ATG13: variants seen among roughly 807,000 people sequenced by gnomAD.
The protein encoded by ATG13 is autophagy-related protein 13.
Under a neutral mutation model 65.5 loss-of-function variants are expected in ATG13, and 23 were observed. That is an observed-to-expected ratio of 0.35 (90% CI 0.25 to 0.50). The LOEUF is 0.50. Ranked by LOEUF, ATG13 falls within the 20% of genes least tolerant of loss-of-function variation. ATG13 has a pLI of 0.98. For missense variants in ATG13, 566 were observed against 677.0 expected, an observed-to-expected ratio of 0.84 and a Z score of 1.82; for synonymous variants, 252 against 245.2, an observed-to-expected ratio of 1.03 and a Z score of -0.26.
chr11:46,618,497 C>T (rs2046095086), intron 1 of ATG13: 1 of 152,190 alleles, frequency 6.6e-6, no homozygotes, highest in African/African-American at 2.4e-5. Context: ...TTTCTTCGTT[C>T]TCTGGCCACC....
At position 46,672,295 on chromosome 11, in the gene ATG13, T is replaced by C. The variant is rs767331059; in HGVS notation, c.1616T>C (p.Val539Ala). Residue 539 changes from valine to alanine, a missense_variant, in exon 19 of 19, where the codon GTC becomes GCC. Val to Ala is a moderately conservative substitution (Grantham distance 64). Coordinates refer to ENST00000683050, the MANE Select transcript of ATG13 (RefSeq NM_001346311.2). Reference sequence around the variant, plus strand: ...AAGCTGGCTGTGCATGAGAAGAATGTCCGCGAGTTTGATGCCTTTGTGGAA... The same window carrying C: ...AAGCTGGCTGTGCATGAGAAGAATGCCCGCGAGTTTGATGCCTTTGTGGAA... ...PEKLAVHEKN[V>A]REFDAFVETL... 12 of 1,614,226 alleles carry C rather than the reference T, an allele frequency of 7.4e-6. No individual in the cohort carries two copies. The South Asian group carries it at 1.2e-4, about 16-fold the overall frequency.
intron 18 of ATG13, among the ~76,000 whole-genome samples, chr11:46,670,147 G>GGAGAAAAT (rs2063375530): frequency 2.0e-5 from 3 of 152,170 alleles, no homozygotes; most frequent in Admixed American, 1.3e-4. Context: ...TATGGTAGCT[G>GGAGAAAAT]CCCTGGATTT....
chr11:46,628,177 C>CA (rs2050379030), intron 1 of ATG13, among the ~76,000 whole-genome samples: 1 of 151,388 alleles, frequency 6.6e-6, no homozygotes, highest in African/African-American at 2.4e-5. Flanking sequence ...CCGAGGTGGG[C>CA]AGATCACCTG....
chr11:46,657,749 C>A, intron 10 of ATG13, 127 bp downstream of exon 10: 1 of 777,228 alleles, frequency 1.3e-6, no homozygotes, highest in Non-Finnish European at 2.0e-6. Context: ...ATGGAGACCC[C>A]ACGTGGAGAG....
intron 1 of ATG13, among the ~76,000 whole-genome samples, chr11:46,626,439 A>G (rs1389671084): frequency 2.0e-5 from 3 of 152,024 alleles, no homozygotes; most frequent in Admixed American, 6.6e-5. Flanking sequence ...GAGTAGAGAC[A>G]GGGTTTCACC....
At chr11:46,639,702 G>A (rs536362623) in intron 2 of ATG13, among the ~76,000 whole-genome samples, 7 of 152,140 alleles carry the variant, frequency 4.6e-5, no homozygotes, top group Admixed American at 4.6e-4. Context: ...GGGCTGAAGT[G>A]TGGAGATCAT....
At chr11:46,624,755 G>A (rs1218306809) in intron 1 of ATG13, among the ~76,000 whole-genome samples, 1 of 152,136 alleles carries the variant, frequency 6.6e-6, no homozygotes, top group Non-Finnish European at 1.5e-5. Flanking sequence ...CATTGGCTGG[G>A]CATGATTGCT....
intron 5 of ATG13, chr11:46,648,878 G>C (rs1267772214): frequency 1.1e-5 from 3 of 284,828 alleles, no homozygotes; most frequent in Middle Eastern, 1.1e-3. Flanking sequence ...GTGGGATACT[G>C]TGGAACCATT....
intron 1 of ATG13, among the ~76,000 whole-genome samples, chr11:46,626,247 A>C (rs1021105314): frequency 2.7e-5 from 4 of 146,730 alleles, no homozygotes; most frequent in Non-Finnish European, 6.0e-5. Context: ...GAGCCACCGC[A>C]CTTGGCCTCT....
In ATG13 at chr11:46,668,790, A is replaced by C. The variant is rs1351288601; in HGVS notation, c.1330-4A>C. On this transcript the variant is annotated splice_polypyrimidine_tract_variant and splice_region_variant and intron_variant, in intron 16 of 18. Coordinates refer to ENST00000683050, the MANE Select transcript of ATG13 (RefSeq NM_001346311.2). ...AGCCCTAATCCTGCCTTGCTATGAA[A>C]CAGGTGAATCCTCCAGATTCCCCAG... 1 of 1,608,036 alleles carries C rather than the reference A, an allele frequency of 6.2e-7. No individual in the cohort carries two copies. Among genetic ancestry groups the C allele is most frequent in the Admixed American group, 1.7e-5 (1 of 60,004 alleles).
chr11:46,637,555 G>T (rs984381506), intron 2 of ATG13, among the ~76,000 whole-genome samples: 4 of 151,980 alleles, frequency 2.6e-5, no homozygotes, highest in African/African-American at 9.7e-5. Context: ...GTATTTTTTT[G>T]GTAGAGACAG....
chr11:46,623,869 T>C (rs1451239932), intron 1 of ATG13, among the ~76,000 whole-genome samples: 2 of 152,128 alleles, frequency 1.3e-5, no homozygotes, highest in African/African-American at 4.8e-5. Flanking sequence ...ACTTTCTTTC[T>C]CCTATATATT....
intron 5 of ATG13, among the ~76,000 whole-genome samples, chr11:46,648,199 G>A (rs904500757): frequency 3.3e-5 from 5 of 151,856 alleles, no homozygotes; most frequent in South Asian, 2.1e-4. Context: ...GGGTTCAAGC[G>A]ATTCTCTTGT....
chr11:46,661,495 G>A (rs1290507342), intron 11 of ATG13, among the ~76,000 whole-genome samples: 1 of 140,498 alleles, frequency 7.1e-6, no homozygotes, highest in Non-Finnish European at 1.5e-5. Context: ...TCTAGCCCGG[G>A]CAACAGAGTG....
intron 5 of ATG13, among the ~76,000 whole-genome samples, chr11:46,646,757 G>C (rs1199571517): frequency 6.6e-6 from 1 of 151,568 alleles, no homozygotes; most frequent in African/African-American, 2.4e-5. Context: ...GAGCTACTGC[G>C]CCTGGCCTGT....
intron 2 of ATG13, among the ~76,000 whole-genome samples, chr11:46,642,401 G>T (rs1297494616): frequency 6.6e-6 from 1 of 150,782 alleles, no homozygotes; most frequent in Non-Finnish European, 1.5e-5. Flanking sequence ...TGCCTTCTGG[G>T]TTCAAGCAAT....
intron 2 of ATG13, among the ~76,000 whole-genome samples, chr11:46,643,612 CTTT>C (rs763315083): frequency 3.1e-5 from 4 of 130,816 alleles, no homozygotes; most frequent in Non-Finnish European, 3.3e-5. Flanking sequence ...CCTGGGAGGG[CTTT>C]TTTTTTTTTT....
chr11:46,633,026 A>ATTTTTTTTT (rs746504456), intron 2 of ATG13, among the ~76,000 whole-genome samples: 1 of 90,710 alleles, frequency 1.1e-5, no homozygotes, highest in African/African-American at 6.4e-5. Flanking sequence ...ATATATATAT[A>ATTTTTTTTT]TTTTTTTTTT....
intron 1 of ATG13, among the ~76,000 whole-genome samples, chr11:46,628,838 A>C (rs2050631715): frequency 6.6e-6 from 1 of 152,090 alleles, no homozygotes; most frequent in Non-Finnish European, 1.5e-5. Flanking sequence ...AAGTCTTATA[A>C]TCACCACCAC....
Sources: allele counts gnomAD v4.1 joint callset (sites outside exome capture counted in the v4.1 genomes callset), GRCh38; gene constraint gnomAD v4.1.1; transcripts MANE v1.5; gene names NCBI Gene and HGNC (gene_info 2026-07-23, HGNC 2026-07-21).